Variants in DTL observed in about 807,000 individuals in gnomAD.
DTL encodes denticleless protein homolog.
A neutral mutation model predicts 87.0 loss-of-function variants in DTL; 46 were observed. The ratio of observed to expected loss-of-function variants is 0.53; its 90% CI spans 0.42 to 0.68. The LOEUF (loss-of-function observed/expected upper bound fraction) is 0.68, where lower values mean the gene tolerates loss of function less well. DTL is among the 30% of genes least tolerant of loss of function. The pLI is 0.00. For missense variants in DTL, 737 were observed against 869.4 expected (o/e 0.85, Z 1.91); for synonymous variants, 308 against 311.2 (o/e 0.99, Z 0.11).
chr1:212,087,554 A>C (rs557043587), intron 13 of DTL, among the ~76,000 whole-genome samples: 18 of 152,170 alleles, frequency 1.2e-4, no homozygotes, highest in African/African-American at 4.1e-4. Flanking sequence ...TGTCTCAAAA[A>C]AAAAAAAGAA....
At chr1:212,045,460 TAATC>T (rs768216308) in intron 3 of DTL, among the ~76,000 whole-genome samples, 3 of 152,238 alleles carry the variant, frequency 2.0e-5, no homozygotes, top group Non-Finnish European at 4.4e-5. Context: ...ATACTTATAT[TAATC>T]AAGCATTTTT....
In DTL at chr1:212,044,629, C is replaced by CTG; in HGVS notation, c.179-30_179-29insGT. On this transcript the variant is annotated intron_variant, in intron 2 of 14. Coordinates refer to ENST00000366991, the MANE Select transcript of DTL (RefSeq NM_016448.4). ...AAAAAAAAAAAAAAATTGTGTTACT[C>CTG]TATATATTTTTTTCTTTATTTCTGC... The CTG allele has an allele frequency of 9.9e-6, 13 of 1,310,970 alleles. 4 individuals carry two copies. The highest frequency in any genetic ancestry group is 1.3e-5 in the Non-Finnish European group (12 of 928,350). The allele number at this position is 1,310,970 out of a possible 1,614,324, so 81.2% of individuals were successfully genotyped here. A position where few individuals can be genotyped will look rare whatever the true frequency, so the allele number is the denominator to read the frequency against.
At position 212,048,487 on chromosome 1, in the gene DTL, G is replaced by A. The variant is rs114132706; in HGVS notation, c.460+1070G>A. Reference sequence around the variant, plus strand: ...ATTACAGGCATGAGCCACCACACCCGGCCAAATGGCCCAATTTTCTATTAT... The same window carrying A: ...ATTACAGGCATGAGCCACCACACCCAGCCAAATGGCCCAATTTTCTATTAT... On this transcript the variant is annotated intron_variant, in intron 5 of 14. Transcript: ENST00000366991. Among the ~76,000 whole-genome samples the A allele has an allele frequency of 5.5e-3, 837 of 152,096 alleles. 4 individuals are homozygous for A. Among genetic ancestry groups the A allele is most frequent in the African/African-American group, 0.019 (786 of 41,480 alleles).
At chr1:212,048,481 A>G (rs926985652) in intron 5 of DTL, among the ~76,000 whole-genome samples, 4 of 152,156 alleles carry the variant, frequency 2.6e-5, no homozygotes, top group East Asian at 1.9e-4. Context: ...ATGAGCCACC[A>G]CACCCGGCCA....
At chr1:212,063,570 CG>C (rs879579367) in intron 6 of DTL, among the ~76,000 whole-genome samples, 1 of 151,984 alleles carries the variant, frequency 6.6e-6, no homozygotes, top group Non-Finnish European at 1.5e-5. Flanking sequence ...AAATTACAGG[CG>C]TGAGTCACCA....
At position 212,043,121 on chromosome 1, in the gene DTL, A is replaced by G; in HGVS notation, c.178+3A>G. On this transcript the variant is annotated splice_donor_region_variant and intron_variant, in intron 2 of 14. Transcript: ENST00000366991. ...TTTTGGATGTACCTTCTCTTCTGGT[A>G]AGAGAATTACTATCTAGGCAAGGCT... 1 of 1,610,188 alleles carries G rather than the reference A, an allele frequency of 6.2e-7. No homozygotes were observed. Among genetic ancestry groups the G allele is most frequent in the Non-Finnish European group, 8.5e-7 (1 of 1,178,520 alleles).
At chr1:212,088,816 G>T (rs1038765863) in intron 13 of DTL, among the ~76,000 whole-genome samples, 4 of 152,252 alleles carry the variant, frequency 2.6e-5, no homozygotes, top group African/African-American at 9.6e-5. Flanking sequence ...GCTGGGCACG[G>T]TGGCTCACGC....
At chr1:212,086,021 T>C (rs1210571368) in intron 13 of DTL, among the ~76,000 whole-genome samples, 1 of 152,238 alleles carries the variant, frequency 6.6e-6, no homozygotes, top group Admixed American at 6.5e-5. Flanking sequence ...ATTGTCTTCA[T>C]TACTGTAGCT....
chr1:212,042,411 T>A (rs927495980), intron 1 of DTL, among the ~76,000 whole-genome samples: 2 of 152,202 alleles, frequency 1.3e-5, no homozygotes, highest in Non-Finnish European at 2.9e-5. Flanking sequence ...TTTCTAGGGG[T>A]AGGTACATAA....
At chr1:212,080,594 C>G in intron 12 of DTL, 21 bp from the exon 13 acceptor site, 1 of 1,596,956 alleles carries the variant, frequency 6.3e-7, no homozygotes, top group African/African-American at 1.4e-5. Context: ...TCTTAATTCC[C>G]TTCTTGGTAC....
chr1:212,098,252 G>C (rs555657413), intron 13 of DTL, among the ~76,000 whole-genome samples: 1 of 148,558 alleles, frequency 6.7e-6, no homozygotes, highest in South Asian at 2.1e-4. Context: ...GACCTCTCTG[G>C]TTGGCCAAGA....
At chr1:212,064,434 A>T (rs923824000) in intron 6 of DTL, among the ~76,000 whole-genome samples, 1 of 152,174 alleles carries the variant, frequency 6.6e-6, no homozygotes, top group Non-Finnish European at 1.5e-5. Context: ...CATTCTGTGG[A>T]TATTGACAAA....
intron 5 of DTL, among the ~76,000 whole-genome samples, chr1:212,062,108 C>T (rs1444693285): frequency 6.6e-6 from 1 of 152,056 alleles, no homozygotes; most frequent in Admixed American, 6.5e-5. Flanking sequence ...TCACATATAC[C>T]CCATAAATAT....
At position 212,100,871 on chromosome 1, in the gene DTL, G is replaced by C. The variant is rs149056494; in HGVS notation, c.1881G>C (p.Pro627=). Residue 627 remains proline (P), a synonymous_variant, in exon 14 of 15, where the codon CCG becomes CCC. Transcript: ENST00000366991. ...CAGAGCCTCCGTCTCCTATCAGTCC[G>C]TATGCTTCAGAAAGCTGTGGAACGC... The part of the protein sequence containing the change: ...SISEPPSPIS[P]YASESCGTLP... 1 of 1,614,132 alleles carries C rather than the reference G, an allele frequency of 6.2e-7. No homozygotes were observed. Among genetic ancestry groups the C allele is most frequent in the Non-Finnish European group, 8.5e-7 (1 of 1,180,012 alleles).
rs182407499 is a variant in DTL, at chr1:212,060,521, A to G, written c.461-2363A>G. 2.6e-5 allele frequency among the ~76,000 whole-genome samples: 4 copies of G among 152,256 alleles called. No individual in the cohort carries two copies. In the East Asian group the frequency reaches 7.7e-4, roughly 29 times the overall value. On this transcript the variant is annotated intron_variant, in intron 5 of 14. Transcript: ENST00000366991. The stretch of plus-strand genomic sequence containing the variant: ...GAGGCCAAGGCAGGTGGATTGCCTG[A>G]GCTCAGGAGTTCAAGACCAGCCTGG...
At chr1:212,073,107 G>A (rs1654725450) in intron 11 of DTL, among the ~76,000 whole-genome samples, 1 of 152,142 alleles carries the variant, frequency 6.6e-6, no homozygotes, top group Non-Finnish European at 1.5e-5. Context: ...TAGTTCTAAA[G>A]TGTCTACTGT....
intron 5 of DTL, among the ~76,000 whole-genome samples, chr1:212,053,387 A>G (rs911722922): frequency 6.6e-6 from 1 of 151,976 alleles, no homozygotes; most frequent in Non-Finnish European, 1.5e-5. Context: ...TTTTGTAGAG[A>G]TGGGGTTTCA....
chr1:212,077,126 T>G (rs1323606462), intron 11 of DTL, among the ~76,000 whole-genome samples: 1 of 152,154 alleles, frequency 6.6e-6, no homozygotes, highest in Non-Finnish European at 1.5e-5. Context: ...TTCATACAAA[T>G]GAGCCATGAT....
At chr1:212,060,907 C>T (rs1265976248) in intron 5 of DTL, among the ~76,000 whole-genome samples, 1 of 152,038 alleles carries the variant, frequency 6.6e-6, no homozygotes, top group Non-Finnish European at 1.5e-5. Flanking sequence ...AATAGATAAA[C>T]TAGACTATAC....
Sources: gnomAD v4.1 joint callset for allele counts (sites outside exome capture counted in the v4.1 genomes callset) on GRCh38, gnomAD v4.1.1 for gene constraint, MANE v1.5 for transcripts, NCBI Gene and HGNC (gene_info 2026-07-23, HGNC 2026-07-21) for gene names.